PCDH7: variants seen among roughly 807,000 people sequenced by gnomAD.
PCDH7 encodes protocadherin-7.
A neutral mutation model predicts 58.9 loss-of-function variants in PCDH7; 17 were observed. The ratio of observed to expected loss-of-function variants is 0.29; its 90% CI spans 0.20 to 0.43. PCDH7 has a LOEUF of 0.43. Among genes scored for constraint, PCDH7 ranks in the 20% least tolerant of loss-of-function variants. The probability of loss-of-function intolerance (pLI) is 1.00; values close to 1 mark genes in which losing one functional copy is unlikely to be tolerated. For missense variants in PCDH7, 1,274 were observed against 1,441.0 expected (o/e 0.88, Z 1.88); for synonymous variants, 664 against 616.4 (o/e 1.08, Z -1.14).
intron 3 of PCDH7, among the ~76,000 whole-genome samples, chr4:30,990,512 G>C (rs1422812460): frequency 6.6e-6 from 1 of 151,968 alleles, no homozygotes; most frequent in African/African-American, 2.4e-5. Flanking sequence ...TTTCAAAATA[G>C]TCACTTTGGT....
At chr4:31,097,583 T>TATAC (rs1159135424) in intron 3 of PCDH7, among the ~76,000 whole-genome samples, 25 of 90,038 alleles carry the variant, frequency 2.8e-4, no homozygotes, top group Non-Finnish European at 3.0e-4. Flanking sequence ...TTCCTCCAAA[T>TATAC]ATACATATAT....
intron 1 of PCDH7, among the ~76,000 whole-genome samples, chr4:30,761,770 A>G (rs1720061890): frequency 6.6e-6 from 1 of 152,212 alleles, no homozygotes; most frequent in African/African-American, 2.4e-5. Context: ...GTCATGTGCT[A>G]AGTTCTTAAA....
intron 2 of PCDH7, among the ~76,000 whole-genome samples, chr4:30,944,183 T>C (rs1746400714): frequency 6.6e-6 from 1 of 152,098 alleles, no homozygotes; most frequent in South Asian, 2.1e-4. Context: ...ACATGCTCTG[T>C]GTCAGTGCAA....
At chr4:30,941,360 AT>A (rs1262690464) in intron 2 of PCDH7, among the ~76,000 whole-genome samples, 1 of 151,858 alleles carries the variant, frequency 6.6e-6, no homozygotes, top group Non-Finnish European at 1.5e-5. Context: ...TTTTGTTTTC[AT>A]TTTCATTTGG....
intron 3 of PCDH7, among the ~76,000 whole-genome samples, chr4:31,082,258 C>T (rs1711590710): frequency 6.6e-6 from 1 of 152,120 alleles, no homozygotes; most frequent in African/African-American, 2.4e-5. Context: ...ATTTCCTGTT[C>T]TAACAAATCA....
At chr4:30,908,819 C>A (rs1438628519) in intron 1 of PCDH7, among the ~76,000 whole-genome samples, 3 of 152,162 alleles carry the variant, frequency 2.0e-5, no homozygotes, top group African/African-American at 7.2e-5. Flanking sequence ...GGCCTCCTCC[C>A]TAACTCATTT....
chr4:30,826,103 G>C (rs956372328), intron 1 of PCDH7, among the ~76,000 whole-genome samples: 3 of 152,000 alleles, frequency 2.0e-5, no homozygotes, highest in Non-Finnish European at 4.4e-5. Context: ...TCTTAAGGAT[G>C]ATCCTTCTTT....
intron 3 of PCDH7, among the ~76,000 whole-genome samples, chr4:31,006,214 C>G (rs1752757940): frequency 6.6e-6 from 1 of 152,030 alleles, no homozygotes; most frequent in African/African-American, 2.4e-5. Context: ...ATAGTAGGAC[C>G]CTATAATGTT....
At chr4:31,054,099 G>A (rs1578667737) in intron 3 of PCDH7, among the ~76,000 whole-genome samples, 1 of 152,040 alleles carries the variant, frequency 6.6e-6, no homozygotes, top group Non-Finnish European at 1.5e-5. Context: ...TCCAGTAGCT[G>A]GGACTACAGG....
At chr4:30,790,187 A>G (rs1723932987) in intron 1 of PCDH7, among the ~76,000 whole-genome samples, 1 of 152,176 alleles carries the variant, frequency 6.6e-6, no homozygotes, top group South Asian at 2.1e-4. Flanking sequence ...TGATTCTAAT[A>G]TTTCTCTGAT....
chr4:30,805,592 T>C (rs1726097170), intron 1 of PCDH7, among the ~76,000 whole-genome samples: 1 of 152,210 alleles, frequency 6.6e-6, no homozygotes, highest in Non-Finnish European at 1.5e-5. Flanking sequence ...TATTTCCCTC[T>C]CAAATATTCT....
chr4:30,721,818 C>G lies in PCDH7; in HGVS notation c.396C>G (p.Ile132Met), dbSNP rs1713612829. 1 of 1,611,902 alleles carries G rather than the reference C, an allele frequency of 6.2e-7. No homozygotes were observed. Among genetic ancestry groups the G allele is most frequent in the Non-Finnish European group, 8.5e-7 (1 of 1,179,250 alleles). Residue 132 changes from isoleucine to methionine, a missense_variant, in exon 1 of 2, where the codon ATC (isoleucine) becomes ATG (methionine). This residue lies in a region of PCDH7 where 212 missense variants were observed against 255.8 expected (regional missense o/e 0.83). Coordinates refer to ENST00000361762, the Ensembl canonical transcript of PCDH7. This position sits in a 1 kb window ranked among gnomAD's most constrained non-coding sequence, Gnocchi z 6.7. Reference sequence around the variant, plus strand: ...TGGACCTGTTTGAGGGTCAGGTCATCGTGCTTGACATCAACGACAACACGC... The same window carrying G: ...TGGACCTGTTTGAGGGTCAGGTCATGGTGCTTGACATCAACGACAACACGC...
chr4:31,126,492 G>A (rs549510262), intron 3 of PCDH7, among the ~76,000 whole-genome samples: 61 of 152,132 alleles, frequency 4.0e-4, no homozygotes, highest in Non-Finnish European at 8.1e-4. Context: ...ATATAGTTTT[G>A]GAGGTTATAG....
chr4:30,973,511 G>T (rs1749785651), intron 3 of PCDH7, among the ~76,000 whole-genome samples: 1 of 152,174 alleles, frequency 6.6e-6, no homozygotes, highest in Non-Finnish European at 1.5e-5. Flanking sequence ...ATTCGAGGAA[G>T]AAGAAAAGTA....
intron 3 of PCDH7, among the ~76,000 whole-genome samples, chr4:31,096,746 A>G (rs1206317377): frequency 6.6e-6 from 1 of 152,198 alleles, no homozygotes; most frequent in Non-Finnish European, 1.5e-5. Flanking sequence ...AACCTTAGAC[A>G]ATCCAGATGG....
intron 1 of PCDH7, among the ~76,000 whole-genome samples, chr4:30,790,556 G>A (rs932301494): frequency 6.6e-6 from 1 of 152,186 alleles, no homozygotes; most frequent in Non-Finnish European, 1.5e-5. Context: ...AGATGGGAAA[G>A]GTACTCATTA....
intron 3 of PCDH7, among the ~76,000 whole-genome samples, chr4:31,042,932 G>A (rs1450011045): frequency 5.3e-5 from 8 of 152,102 alleles, no homozygotes; most frequent in Admixed American, 5.2e-4. Context: ...GGGGCCTTTT[G>A]CTGGTGCAGA....
At position 30,930,546 on chromosome 4, in the gene PCDH7, T is replaced by G. The variant is rs146821724; in HGVS notation, c.287+10177T>G. ...ATTTAAGTATTTGGCACCAGATAAGTGACGTTATCCAAACAGAATGTTGAA... is the reference window on the plus strand; with the variant it reads ...ATTTAAGTATTTGGCACCAGATAAGGGACGTTATCCAAACAGAATGTTGAA... On this transcript the variant is annotated intron_variant, in intron 2 of 3. Transcript: ENST00000509759. 5.9e-5 allele frequency among the ~76,000 whole-genome samples: 9 copies of G among 152,288 alleles called. No individual in the cohort carries two copies. In the East Asian group the frequency reaches 1.7e-3, roughly 29 times the overall value.
chr4:31,103,775 A>G (rs893496466), intron 3 of PCDH7, among the ~76,000 whole-genome samples: 8 of 152,172 alleles, frequency 5.3e-5, no homozygotes, highest in African/African-American at 1.7e-4. Context: ...TGGATCTCAT[A>G]TACCCACGTA....
Sources: gnomAD v4.1 joint callset for allele counts (sites outside exome capture counted in the v4.1 genomes callset) on GRCh38, gnomAD v4.1.1 for gene constraint, gnomAD v4.1.1 regional missense constraint, Gnocchi (gnomAD v3.1) non-coding constraint, MANE v1.5 for transcripts, NCBI Gene and HGNC (gene_info 2026-07-23, HGNC 2026-07-21) for gene names.